NUP43: variants seen among roughly 807,000 people sequenced by gnomAD.
The protein encoded by NUP43 is nucleoporin Nup43.
In NUP43, 32 loss-of-function variants were observed where a neutral mutation model predicts 47.3. The ratio of observed to expected loss-of-function variants is 0.68; its 90% confidence interval spans 0.51 to 0.91. The LOEUF is 0.91. Among genes scored for constraint, NUP43 ranks in the 40% least tolerant of loss-of-function variants. NUP43 has a pLI of 0.00. For missense variants in NUP43, 444 were observed against 453.9 expected (o/e 0.98, Z 0.20); for synonymous variants, 147 against 158.4 (o/e 0.93, Z 0.54).
At chr6:149,734,725 G>A (rs185396856) in intron 6 of NUP43, among the ~76,000 whole-genome samples, 2 of 150,276 alleles carry the variant, frequency 1.3e-5, no homozygotes, top group Non-Finnish European at 3.0e-5. Context: ...TTGAACCCAG[G>A]AGGCAGAGGT....
intron 7 of NUP43, 188 bp downstream of exon 7, chr6:149,731,425 G>A (rs1401356106): frequency 2.2e-5 from 9 of 407,524 alleles, no homozygotes; most frequent in Admixed American, 4.0e-5. Context: ...AGCCGGGCAC[G>A]GTGGTGCATG....
At chr6:149,728,348 G>C (rs1030841359) in intron 7 of NUP43, 10 of 984,972 alleles carry the variant, frequency 1.0e-5, no homozygotes, top group African/African-American at 1.7e-5. Context: ...GTGCGGTTAG[G>C]GGAGGAAGGA....
chr6:149,733,079 T>A (rs1785144522), intron 6 of NUP43, among the ~76,000 whole-genome samples: 1 of 152,174 alleles, frequency 6.6e-6, no homozygotes, highest in South Asian at 2.1e-4. Context: ...AGTTTTTTTT[T>A]AAATTGGTAA....
intron 6 of NUP43, among the ~76,000 whole-genome samples, chr6:149,732,697 T>G (rs1470474823): frequency 1.3e-5 from 2 of 151,274 alleles, no homozygotes; most frequent in Non-Finnish European, 2.9e-5. Flanking sequence ...ATACAAAAAA[T>G]TAGCCCGGCG....
At chr6:149,745,885 T>G in intron 2 of NUP43, 55 bp downstream of exon 2, 3 of 1,502,470 alleles carry the variant, frequency 2.0e-6, no homozygotes, top group Non-Finnish European at 2.7e-6. Context: ...TCTGCTTGTT[T>G]AAATGTATTA....
At chr6:149,743,053 G>A (rs1040718101) in intron 3 of NUP43, among the ~76,000 whole-genome samples, 6 of 152,030 alleles carry the variant, frequency 3.9e-5, no homozygotes, top group Non-Finnish European at 5.9e-5. Context: ...GCACGCGCCT[G>A]TAATCCCAGC....
rs755132817 is a variant in NUP43 at position 149,726,995 on chromosome 6, A to G, written c.1117T>C (p.Tyr373His). The G allele has an allele frequency of 1.2e-6, 2 of 1,613,758 alleles. No individual in the cohort carries two copies. Among genetic ancestry groups the G allele is most frequent in the Non-Finnish European group, 8.5e-7 (1 of 1,179,646 alleles). ...LVCGTDAEAI[Y>H]VTRHLFS ...TACGAAAAAAGATGTCTAGTAACATAAATTGCTTCTGCATCGGTTCCACAA... is the reference window on the plus strand; with the variant it reads ...TACGAAAAAAGATGTCTAGTAACATGAATTGCTTCTGCATCGGTTCCACAA... Residue 373 changes from tyrosine (Y) to histidine (H), a missense_variant, in exon 8 of 8, where the codon TAT becomes CAT. By Grantham distance (83) the Tyr-to-His change is moderately conservative. Transcript: ENST00000340413.
chr6:149,744,018 A>G (rs1446393334), intron 2 of NUP43, among the ~76,000 whole-genome samples: 2 of 152,206 alleles, frequency 1.3e-5, no homozygotes, highest in Admixed American at 1.3e-4. Flanking sequence ...TCACGCCTGT[A>G]ATCCCAGCAT....
At position 149,725,301 on chromosome 6, in the gene NUP43, A is replaced by C. The variant is rs2115064653; in HGVS notation, c.*1668T>G. The C allele has an allele frequency of 6.6e-6, 1 of 152,308 alleles. No homozygotes were observed. Among genetic ancestry groups the C allele is most frequent in the South Asian group, 2.1e-4 (1 of 4,822 alleles). 9.4% of individuals were successfully genotyped at this position (152,308 alleles called of 1,614,324 possible). A position where few individuals can be genotyped will look rare whatever the true frequency, so the allele number is the denominator to read the frequency against. ...TGGTGAAACCCTGTCGTCTCTACTA[A>C]TACAAAAATCAGCCGGGAGCAGTGG... On this transcript the variant is annotated 3_prime_UTR_variant, in exon 8 of 8. Coordinates refer to ENST00000340413, the MANE Select transcript of NUP43 (RefSeq NM_198887.3).
Position 149,724,703 on chromosome 6 carries a change from C to G in NUP43, c.*2266G>C, listed in dbSNP as rs1032991581. The G allele has an allele frequency of 6.6e-6, 1 of 152,192 alleles. No individual in the cohort carries two copies. Among genetic ancestry groups the G allele is most frequent in the Admixed American group, 6.5e-5 (1 of 15,270 alleles). 9.4% of individuals were successfully genotyped at this position (152,192 alleles called of 1,614,324 possible). On this transcript the variant is annotated 3_prime_UTR_variant, in exon 8 of 8. Coordinates refer to ENST00000340413, the MANE Select transcript of NUP43 (RefSeq NM_198887.3). Reference sequence around the variant, plus strand: ...GGTTTGAGCAATTCTCCTGCCTCAGCCTCCCAAGTAGCTGGGATTATAGAT... The same window carrying G: ...GGTTTGAGCAATTCTCCTGCCTCAGGCTCCCAAGTAGCTGGGATTATAGAT...
At chr6:149,744,293 A>G (rs1464593711) in intron 2 of NUP43, among the ~76,000 whole-genome samples, 1 of 152,112 alleles carries the variant, frequency 6.6e-6, no homozygotes, top group Non-Finnish European at 1.5e-5. Context: ...TGGGAGGCTG[A>G]GGCAAGCGGA....
At chr6:149,746,794 T>C, upstream of NUP43, 1 of 1,014,848 alleles carries the variant, frequency 9.9e-7, no homozygotes, top group Non-Finnish European at 1.3e-6. Context: ...AGTGTAAAAT[T>C]TAAGTGCAAA....
intron 6 of NUP43, among the ~76,000 whole-genome samples, chr6:149,733,574 T>G (rs1785166614): frequency 6.6e-6 from 1 of 151,830 alleles, no homozygotes; most frequent in Non-Finnish European, 1.5e-5. Flanking sequence ...GCCTCCTGAG[T>G]AGCTAGGACT....
intron 4 of NUP43, among the ~76,000 whole-genome samples, chr6:149,739,269 C>T (rs1300040674): frequency 3.3e-5 from 5 of 151,488 alleles, no homozygotes; most frequent in Admixed American, 1.3e-4. Flanking sequence ...TGAGCCACCA[C>T]GCCTGGCCTA....
upstream of NUP43, chr6:149,746,539 A>G (rs10872646): frequency 0.39 from 625,440 of 1,613,514 alleles, 128,964 homozygotes; most frequent in East Asian, 0.77. Flanking sequence ...CAAGCACAGT[A>G]CGCGCCTCTC....
Position 149,738,635 on chromosome 6 carries a change from A to G in NUP43, c.638+8T>C. The G allele has an allele frequency of 1.3e-6, 2 of 1,546,436 alleles. No individual in the cohort carries two copies. The highest frequency in any genetic ancestry group is 1.3e-5 in the South Asian group (1 of 77,192). On this transcript the variant is annotated splice_region_variant and intron_variant, in intron 5 of 7. Coordinates refer to ENST00000340413, the MANE Select transcript of NUP43 (RefSeq NM_198887.3). ...ATTACATTACTGAAATTACAAATCA[A>G]CACTTACAGTGACAATATCTGAGAA...
intron 7 of NUP43, among the ~76,000 whole-genome samples, chr6:149,730,262 G>A (rs774923360): frequency 3.3e-5 from 5 of 152,178 alleles, no homozygotes; most frequent in Admixed American, 6.6e-5. Context: ...ACCTGCCTTG[G>A]CCTCCCAAAG....
upstream of NUP43, among the ~76,000 whole-genome samples, chr6:149,747,197 C>T (rs369839623): frequency 5.9e-5 from 9 of 152,260 alleles, 1 homozygote; most frequent in South Asian, 8.3e-4. Flanking sequence ...CTCTTTACTC[C>T]TCAGAATCCT....
chr6:149,730,390 C>T (rs912811050), intron 7 of NUP43, among the ~76,000 whole-genome samples: 1 of 152,162 alleles, frequency 6.6e-6, no homozygotes, highest in South Asian at 2.1e-4. Flanking sequence ...CTTGGCAATG[C>T]AATATGAAAG....
Sources: allele counts gnomAD v4.1 joint callset (sites outside exome capture counted in the v4.1 genomes callset), GRCh38; gene constraint gnomAD v4.1.1; transcripts MANE v1.5; gene names NCBI Gene and HGNC (gene_info 2026-07-23, HGNC 2026-07-21).